The following RAP1GAP2 variants were observed in gnomAD, a reference collection of about 807,000 sequenced individuals.
RAP1GAP2 encodes the protein rap1 GTPase-activating protein 2.
RAP1GAP2 carries 27 observed loss-of-function variants against 95.0 expected under a neutral mutation model. That is an observed-to-expected ratio of 0.28 (90% CI 0.21 to 0.39). The LOEUF is 0.39. RAP1GAP2 is among the 10% of genes least tolerant of loss of function. The pLI, the probability that RAP1GAP2 is intolerant of heterozygous loss-of-function variation, is 1.00. For synonymous variants in RAP1GAP2, 373 were observed against 380.9 expected, an observed-to-expected ratio of 0.98 and a Z score of 0.24; for missense variants, 771 against 970.0, an observed-to-expected ratio of 0.79 and a Z score of 2.72.
chr17:2,860,441 C>T (rs1266773595), intron 2 of RAP1GAP2, among the ~76,000 whole-genome samples: 1 of 146,176 alleles, frequency 6.8e-6, no homozygotes, highest in African/African-American at 2.6e-5. Context: ...TCCTCCTGAG[C>T]CACTATTTTA....
chr17:2,778,922 GCA>G (rs2068572892), intron 1 of RAP1GAP2, among the ~76,000 whole-genome samples: 1 of 152,232 alleles, frequency 6.6e-6, no homozygotes, highest in Admixed American at 6.5e-5. Flanking sequence ...AAACAGGGAA[GCA>G]CTTACCCATT....
chr17:2,858,088 A>C (rs1311106728), intron 2 of RAP1GAP2, among the ~76,000 whole-genome samples: 1 of 152,216 alleles, frequency 6.6e-6, no homozygotes, highest in Non-Finnish European at 1.5e-5. Context: ...CAACACAGCG[A>C]GACTCTGTCT....
At chr17:2,786,675 C>T (rs577846220) in intron 1 of RAP1GAP2, among the ~76,000 whole-genome samples, 3 of 150,682 alleles carry the variant, frequency 2.0e-5, no homozygotes, top group African/African-American at 7.3e-5. Context: ...GATGGAGTCT[C>T]ACTCTGTTGC....
chr17:3,001,912 A>T (rs903316858), intron 14 of RAP1GAP2, among the ~76,000 whole-genome samples: 16 of 151,734 alleles, frequency 1.1e-4, no homozygotes, highest in Non-Finnish European at 1.9e-4. Context: ...AGATCCAAAA[A>T]AGCGCCACCC....
intron 2 of RAP1GAP2, among the ~76,000 whole-genome samples, chr17:2,812,407 T>C (rs2069807701): frequency 6.6e-6 from 1 of 152,140 alleles, no homozygotes. Context: ...GCTTTCTAAT[T>C]AACCTCCTCC....
At chr17:2,928,575 G>A (rs2043039799) in intron 3 of RAP1GAP2, among the ~76,000 whole-genome samples, 1 of 152,164 alleles carries the variant, frequency 6.6e-6, no homozygotes, top group African/African-American at 2.4e-5. Context: ...AGTCCTTCTC[G>A]TGGTCCCCCA....
chr17:2,808,798 T>TG (rs1353350649), intron 2 of RAP1GAP2, among the ~76,000 whole-genome samples: 1 of 152,112 alleles, frequency 6.6e-6, no homozygotes, highest in Non-Finnish European at 1.5e-5. Flanking sequence ...TTGGCATGTG[T>TG]GGGGGCATGT....
At chr17:2,848,516 ATTAG>A (rs2071684615) in intron 2 of RAP1GAP2, among the ~76,000 whole-genome samples, 1 of 144,086 alleles carries the variant, frequency 6.9e-6, no homozygotes, top group South Asian at 2.2e-4. Flanking sequence ...TTTTTTTTTA[ATTAG>A]TTATTTATTT....
chr17:2,847,031 C>T (rs1409893510), intron 2 of RAP1GAP2, among the ~76,000 whole-genome samples: 3 of 152,176 alleles, frequency 2.0e-5, no homozygotes, highest in African/African-American at 4.8e-5. Flanking sequence ...ATTTTTGAGA[C>T]GGAGTCTTGC....
At chr17:2,836,588 C>T (rs924757948) in intron 2 of RAP1GAP2, among the ~76,000 whole-genome samples, 1 of 152,114 alleles carries the variant, frequency 6.6e-6, no homozygotes, top group African/African-American at 2.4e-5. Context: ...GCTGAGATCA[C>T]GTCACTGCAC....
chr17:2,937,174 CA>C (rs1453890212), intron 3 of RAP1GAP2, among the ~76,000 whole-genome samples: 1 of 152,046 alleles, frequency 6.6e-6, no homozygotes, highest in Non-Finnish European at 1.5e-5. Context: ...AGGAGTCAAG[CA>C]AATAAAGTGG....
chr17:2,932,842 A>AAGG (rs71153312), intron 3 of RAP1GAP2, among the ~76,000 whole-genome samples: 43,852 of 92,820 alleles, frequency 0.47, 14,916 homozygotes, highest in East Asian at 0.57. Flanking sequence ...AAAAAAAAAA[A>AAGG]AGAGCAGGGA....
intron 2 of RAP1GAP2, among the ~76,000 whole-genome samples, chr17:2,847,182 T>G (rs2071624711): frequency 6.6e-6 from 1 of 152,112 alleles, no homozygotes; most frequent in Non-Finnish European, 1.5e-5. Flanking sequence ...CTAATTTTTG[T>G]ATTTTGAGTA....
At chr17:2,948,080 A>G (rs1374146609) in intron 3 of RAP1GAP2, among the ~76,000 whole-genome samples, 1 of 152,152 alleles carries the variant, frequency 6.6e-6, no homozygotes, top group Non-Finnish European at 1.5e-5. Context: ...AGGCGATTGC[A>G]AGGACTCATT....
chr17:2,779,826 G>A (rs1226697616), intron 1 of RAP1GAP2, among the ~76,000 whole-genome samples: 1 of 152,122 alleles, frequency 6.6e-6, no homozygotes, highest in Non-Finnish European at 1.5e-5. Context: ...GAAGGTGAGC[G>A]GGTTGGCAGA....
At position 2,780,555 on chromosome 17, in the gene RAP1GAP2, A is replaced by AC. The variant is rs201272144; in HGVS notation, c.-14+3285dup. Reference sequence around the variant, plus strand: ...CCTCTCCCATCTCTGAGCAATGTGCACCCCCCCCAGGAGAGGTCACAGAGT... The same window carrying AC: ...CCTCTCCCATCTCTGAGCAATGTGCACCCCCCCCCAGGAGAGGTCACAGAGT... On this transcript the variant is annotated intron_variant, in intron 1 of 24. Coordinates refer to the RAP1GAP2 transcript ENST00000540393. Among the ~76,000 whole-genome samples the AC allele has an allele frequency of 3.1e-4, 47 of 151,066 alleles. 1 individual carries two copies. The highest frequency in any genetic ancestry group is 1.3e-3 in the South Asian group (6 of 4,762).
chr17:2,828,023 AAAAC>A (rs1450682198), intron 2 of RAP1GAP2, among the ~76,000 whole-genome samples: 3 of 152,014 alleles, frequency 2.0e-5, no homozygotes, highest in Non-Finnish European at 4.4e-5. Context: ...GCACTTGACC[AAAAC>A]TAGTTTGGGT....
intron 2 of RAP1GAP2, among the ~76,000 whole-genome samples, chr17:2,845,214 C>G (rs1168174445): frequency 6.6e-6 from 1 of 152,154 alleles, no homozygotes; most frequent in Non-Finnish European, 1.5e-5. Context: ...ATGATCTCAG[C>G]TGACTGCAAC....
At chr17:2,920,476 GC>G (rs1279880424) in intron 3 of RAP1GAP2, among the ~76,000 whole-genome samples, 1 of 152,202 alleles carries the variant, frequency 6.6e-6, no homozygotes, top group East Asian at 1.9e-4. Context: ...CTGTTTTCAG[GC>G]CCTGCCTCCC....
Sources: allele counts gnomAD v4.1 joint callset (sites outside exome capture counted in the v4.1 genomes callset), GRCh38; gene constraint gnomAD v4.1.1; transcripts MANE v1.5; gene names NCBI Gene and HGNC (gene_info 2026-07-23, HGNC 2026-07-21).